COG7: variants seen among roughly 807,000 people sequenced by gnomAD.
COG7 encodes the protein conserved oligomeric Golgi complex subunit 7.
A neutral mutation model predicts 91.5 loss-of-function variants in COG7; 49 were observed. The observed-to-expected ratio is 0.54, with a 90% confidence interval of 0.43 to 0.68. COG7 has a LOEUF of 0.68. Ranked by LOEUF, COG7 falls within the 30% of genes least tolerant of loss-of-function variation. The pLI, the probability that COG7 is intolerant of heterozygous loss-of-function variation, is 0.00. For synonymous variants in COG7, 365 were observed against 388.7 expected (o/e 0.94, Z 0.72); for missense variants, 895 against 961.3 (o/e 0.93, Z 0.91).
intron 16 of COG7, 146 bp from the exon 17 acceptor site, chr16:23,389,232 G>A (rs1963148059): frequency 1.1e-6 from 1 of 878,816 alleles, no homozygotes; most frequent in Non-Finnish European, 1.8e-6. Context: ...CCCTCAATAG[G>A]CCCTTTACTC....
chr16:23,431,811 GAAA>G (rs1173401499), intron 6 of COG7, among the ~76,000 whole-genome samples: 2 of 43,248 alleles, frequency 4.6e-5, no homozygotes, highest in East Asian at 8.0e-4. Flanking sequence ...TCTGTCTGAA[GAAA>G]AAAAAAAAAA....
chr16:23,427,901 G>A (rs555658136), intron 6 of COG7, among the ~76,000 whole-genome samples: 1 of 152,272 alleles, frequency 6.6e-6, no homozygotes, highest in South Asian at 2.1e-4. Flanking sequence ...TCAAGGCCTA[G>A]CACGGTGGCT....
At chr16:23,410,699 A>ATTAT (rs896840716) in intron 10 of COG7, among the ~76,000 whole-genome samples, 12 of 151,952 alleles carry the variant, frequency 7.9e-5, no homozygotes, top group African/African-American at 2.2e-4. Flanking sequence ...TCTAAAATTT[A>ATTAT]TTATTTATTT....
chr16:23,444,902 C>G (rs377292401), intron 3 of COG7, 146 bp downstream of exon 3: 1 of 754,372 alleles, frequency 1.3e-6, no homozygotes, highest in African/African-American at 1.7e-5. Context: ...GGAAACACAC[C>G]GAGCAGCTTC....
At position 23,413,469 on chromosome 16, in the gene COG7, G is replaced by A. The variant is rs764153683; in HGVS notation, c.1388C>T (p.Thr463Met). ...TTACCTAATGGAGTTCTGAAAAGCC[G>A]TCCAATCTTCCTGGAAGAGGGAGTT... is the stretch of plus-strand genomic sequence containing the variant. Reference protein sequence around the residue: ...PPNSLFQEDWTAFQNSIRIIA... With the variant: ...PPNSLFQEDWMAFQNSIRIIA... Residue 463 changes from threonine to methionine, a missense_variant, in exon 10 of 17, where the codon ACG (threonine) becomes ATG (methionine). Thr to Met is a moderately conservative substitution (Grantham distance 81). Coordinates refer to ENST00000307149, the MANE Select transcript of COG7 (RefSeq NM_153603.4). 3.7e-5 allele frequency: 59 copies of A among 1,602,616 alleles called. No homozygotes were observed. The highest frequency in any genetic ancestry group is 3.0e-4 in the Admixed American group (18 of 59,972).
chr16:23,389,446 C>T (rs957160823), intron 16 of COG7, among the ~76,000 whole-genome samples: 2 of 152,044 alleles, frequency 1.3e-5, no homozygotes, highest in African/African-American at 4.8e-5. Context: ...CTCACATGCA[C>T]ACACTCTCAC....
chr16:23,437,755 C>T (rs1964033695), intron 4 of COG7, among the ~76,000 whole-genome samples: 1 of 152,160 alleles, frequency 6.6e-6, no homozygotes, highest in Admixed American at 6.6e-5. Flanking sequence ...AACTCCACCA[C>T]GGTACCTATG....
At chr16:23,437,886 A>C (rs1264192812) in intron 4 of COG7, among the ~76,000 whole-genome samples, 1 of 152,164 alleles carries the variant, frequency 6.6e-6, no homozygotes. Flanking sequence ...AGAGATTGAG[A>C]CCATCCTGGC....
chr16:23,451,122 G>A (rs956640617), intron 1 of COG7, among the ~76,000 whole-genome samples: 1 of 152,198 alleles, frequency 6.6e-6, no homozygotes, highest in Non-Finnish European at 1.5e-5. Context: ...GAACTCAGAA[G>A]GGGGAGGTTG....
chr16:23,445,242 G>C (rs1045347319), intron 2 of COG7, 78 bp from the exon 3 acceptor site: 13 of 979,238 alleles, frequency 1.3e-5, no homozygotes, highest in African/African-American at 3.2e-5. Flanking sequence ...TGAAATGTAA[G>C]TATGGTGGCT....
chr16:23,409,635 T>C (rs773585326), intron 11 of COG7, among the ~76,000 whole-genome samples: 16 of 152,130 alleles, frequency 1.1e-4, no homozygotes, highest in Admixed American at 6.5e-5. Context: ...GCATCAGCCA[T>C]ACCAAGGGAA....
In COG7 at chr16:23,445,126, T is replaced by A. The variant is rs114271916; in HGVS notation, c.357A>T (p.Gln119His). The change falls in exon 3 of 17, where the codon CAA becomes CAT. Residue 119 changes from glutamine to histidine, a missense_variant. By Grantham distance (24) the Gln-to-His change is conservative (BLOSUM62 0). Transcript: ENST00000307149. ...VEIDQVKSRM[Q>H]LAAESLQEAD... ...CTTCCTGAAGAGATTCGGCAGCAAG[T>A]TGCATTCTGGACTTCACTTGGTCAA... The A allele has an allele frequency of 1.2e-6, 2 of 1,614,108 alleles. No individual in the cohort carries two copies. The highest frequency in any genetic ancestry group is 1.7e-6 in the Non-Finnish European group (2 of 1,180,014).
intron 7 of COG7, among the ~76,000 whole-genome samples, chr16:23,421,026 A>G (rs1963747755): frequency 6.6e-6 from 1 of 150,868 alleles, no homozygotes; most frequent in Non-Finnish European, 1.5e-5. Context: ...CTGAGATTAC[A>G]GGTGCGAGCC....
At chr16:23,406,014 A>T in intron 12 of COG7, 62 bp downstream of exon 12, 1 of 1,482,968 alleles carries the variant, frequency 6.7e-7, no homozygotes, top group Non-Finnish European at 9.4e-7. Flanking sequence ...CCAGAGAGGG[A>T]GAGGGTGAGT....
At chr16:23,452,796 G>T in intron 1 of COG7, 30 bp downstream of exon 1, 2 of 1,596,286 alleles carry the variant, frequency 1.3e-6, no homozygotes, top group Non-Finnish European at 1.7e-6. Context: ...GCAGGGGAGG[G>T]TCCCGCGGCC....
intron 6 of COG7, among the ~76,000 whole-genome samples, chr16:23,431,301 A>G (rs1963930720): frequency 6.6e-6 from 1 of 152,174 alleles, no homozygotes; most frequent in Non-Finnish European, 1.5e-5. Context: ...CAGCCCAACT[A>G]TTATGCTTCC....
intron 11 of COG7, among the ~76,000 whole-genome samples, chr16:23,408,400 T>C (rs190376): frequency 0.067 from 609 of 9,034 alleles, 42 homozygotes; most frequent in South Asian, 0.15. Flanking sequence ...GAGGTAGGGG[T>C]GAGTGGGGCG....
At chr16:23,419,304 G>A (rs767537883) in intron 7 of COG7, among the ~76,000 whole-genome samples, 3 of 151,962 alleles carry the variant, frequency 2.0e-5, no homozygotes, top group Admixed American at 6.6e-5. Context: ...CCAGCTACTC[G>A]GGAGGCTGAG....
At chr16:23,433,240 G>A (rs1963960978) in intron 6 of COG7, among the ~76,000 whole-genome samples, 1 of 152,066 alleles carries the variant, frequency 6.6e-6, no homozygotes. Flanking sequence ...TAGTAATTGT[G>A]CCACCACACC....
Sources: allele counts gnomAD v4.1 joint callset (sites outside exome capture counted in the v4.1 genomes callset), GRCh38; gene constraint gnomAD v4.1.1; transcripts MANE v1.5; gene names NCBI Gene and HGNC (gene_info 2026-07-23, HGNC 2026-07-21).